CEP192: variants seen among roughly 807,000 people sequenced by gnomAD.
CEP192 encodes centrosomal protein of 192 kDa.
A neutral mutation model predicts 271.8 loss-of-function variants in CEP192; 151 were observed. That is an observed-to-expected ratio of 0.56 (90% CI 0.49 to 0.64). CEP192 has a LOEUF of 0.64. Ranked by LOEUF, CEP192 falls within the 30% of genes least tolerant of loss-of-function variation. The probability of loss-of-function intolerance (pLI) is 0.00; values close to 1 mark genes in which losing one functional copy is unlikely to be tolerated. For missense variants in CEP192, 2,910 were observed against 3,020.5 expected, an observed-to-expected ratio of 0.96 and a Z score of 0.86; for synonymous variants, 995 against 1,076.5, an observed-to-expected ratio of 0.92 and a Z score of 1.48.
intron 21 of CEP192, among the ~76,000 whole-genome samples, chr18:13,066,624 A>G (rs1435189251): frequency 1.3e-5 from 2 of 152,094 alleles, no homozygotes; most frequent in African/African-American, 4.8e-5. Context: ...GCCTAGGCGT[A>G]GGCTTTCATG....
Position 13,049,769 on chromosome 18 carries a change from GA to G in CEP192, c.2900del (p.Asn967IlefsTer25). On this transcript the variant is annotated frameshift_variant, in exon 17 of 45. Coordinates refer to ENST00000506447, the MANE Select transcript of CEP192 (RefSeq NM_032142.4). LOFTEE classifies it high-confidence loss of function. Reference sequence around the variant, plus strand: ...GAAAATACCCCTTTCTGATAGATTTGAAAAATACCTCTCCTGAGCATGGTGG... The same window carrying G: ...GAAAATACCCCTTTCTGATAGATTTGAAAATACCTCTCCTGAGCATGGTGG... ...RIVSPKNSDL[K>X]NTSPEHGGRG... The G allele has an allele frequency of 6.2e-7, 1 of 1,609,674 alleles. No homozygotes were observed. Among genetic ancestry groups the G allele is most frequent in the Non-Finnish European group, 8.5e-7 (1 of 1,178,672 alleles).
At chr18:13,096,079 A>C in intron 35 of CEP192, 105 bp from the exon 36 acceptor site, 1 of 1,148,506 alleles carries the variant, frequency 8.7e-7, no homozygotes, top group South Asian at 1.5e-5. Flanking sequence ...AGAAAGCAGT[A>C]GCATACTTGT....
At chr18:12,996,710 G>A (rs1424090844) in intron 1 of CEP192, among the ~76,000 whole-genome samples, 1 of 152,174 alleles carries the variant, frequency 6.6e-6, no homozygotes, top group African/African-American at 2.4e-5. Flanking sequence ...GAACCAGACA[G>A]CTGTGTCTGA....
At chr18:13,116,758 C>T (rs1193887544) in intron 43 of CEP192, among the ~76,000 whole-genome samples, 8 of 152,008 alleles carry the variant, frequency 5.3e-5, no homozygotes, top group East Asian at 1.9e-4. Context: ...TACAGGTGCC[C>T]GCCACCACGC....
chr18:13,117,025 C>T (rs1598649310), intron 43 of CEP192, among the ~76,000 whole-genome samples: 1 of 149,712 alleles, frequency 6.7e-6, no homozygotes, highest in East Asian at 2.0e-4. Flanking sequence ...AGTTTGAGAC[C>T]AACCTGGGCA....
intron 30 of CEP192, among the ~76,000 whole-genome samples, chr18:13,076,347 C>T (rs2038278292): frequency 6.6e-6 from 1 of 152,106 alleles, no homozygotes; most frequent in South Asian, 2.1e-4. Context: ...GCCTCAGCCT[C>T]CCGAGTAGCT....
intron 35 of CEP192, 154 bp downstream of exon 35, chr18:13,095,835 A>C (rs2039371792): frequency 1.4e-6 from 1 of 691,660 alleles, no homozygotes; most frequent in African/African-American, 1.8e-5. Flanking sequence ...GACCCCACTC[A>C]GACTTGCCTA....
chr18:12,997,078 C>T (rs2033295666), intron 1 of CEP192, among the ~76,000 whole-genome samples: 1 of 151,998 alleles, frequency 6.6e-6, no homozygotes, highest in Non-Finnish European at 1.5e-5. Flanking sequence ...AGGGCTTGCA[C>T]AGACAGAAGA....
At chr18:13,052,795 G>GTGTAA in intron 17 of CEP192, 124 bp from the exon 18 acceptor site, 1 of 627,570 alleles carries the variant, frequency 1.6e-6, no homozygotes, top group Non-Finnish European at 2.7e-6. Flanking sequence ...AGATAATTAA[G>GTGTAA]TGTAAACATT....
intron 2 of CEP192, among the ~76,000 whole-genome samples, chr18:12,999,828 A>ATTTTTT (rs36207281): frequency 1.2e-4 from 15 of 124,040 alleles, no homozygotes; most frequent in African/African-American, 4.2e-4. Context: ...ATTTCGGTCT[A>ATTTTTT]TTTTTTTTTT....
At position 13,068,192 on chromosome 18, in the gene CEP192, C is replaced by A. The variant is rs143595675; in HGVS notation, c.4713C>A (p.Gly1571=). ...PCADVVTRLA[G]PSVVNHMMPA... ...CTGATGTGGTCACTCGGCTAGCAGG[C>A]CCTTCTGTGGTCAACCACATGATGC... Residue 1571 remains glycine (G), a synonymous_variant, in exon 23 of 45, where the codon GGC becomes GGA. Coordinates refer to ENST00000506447, the MANE Select transcript of CEP192 (RefSeq NM_032142.4). The A allele has an allele frequency of 6.1e-4, 984 of 1,614,216 alleles. 5 individuals are homozygous for A. The African/African-American group carries it at 0.011, about 19-fold the overall frequency.
At chr18:12,998,312 C>T (rs1026612174) in intron 1 of CEP192, among the ~76,000 whole-genome samples, 18 of 152,168 alleles carry the variant, frequency 1.2e-4, no homozygotes, top group South Asian at 4.1e-4. Flanking sequence ...ATTCTAGCTT[C>T]GTTTACTGTG....
At chr18:13,097,852 G>A (rs1346238773) in intron 36 of CEP192, among the ~76,000 whole-genome samples, 1 of 151,892 alleles carries the variant, frequency 6.6e-6, no homozygotes, top group Non-Finnish European at 1.5e-5. Context: ...GACTCTTAAC[G>A]AACATGCTGC....
chr18:13,113,708 G>GAGTA lies in CEP192; in HGVS notation c.7167+4_7167+7dup. 6.2e-7 allele frequency: 1 copy of GAGTA among 1,601,476 alleles called. No homozygotes were observed. Among genetic ancestry groups the GAGTA allele is most frequent in the Non-Finnish European group, 8.5e-7 (1 of 1,176,028 alleles). On this transcript the variant is annotated splice_donor_region_variant and intron_variant, in intron 41 of 44. Coordinates refer to ENST00000506447, the MANE Select transcript of CEP192 (RefSeq NM_032142.4). ...TGAGATTCCAACTCTCTGGACAAGTGAGTAGTACACTGAATTTAAGTAAAT... is the reference window on the plus strand; with the variant it reads ...TGAGATTCCAACTCTCTGGACAAGTGAGTAAGTAGTACACTGAATTTAAGTAAAT...
intron 30 of CEP192, among the ~76,000 whole-genome samples, chr18:13,082,873 A>C (rs2038696579): frequency 6.6e-6 from 1 of 152,086 alleles, no homozygotes; most frequent in Non-Finnish European, 1.5e-5. Context: ...TTTCTCCTTC[A>C]CTTATGAAGC....
Position 13,089,524 on chromosome 18 carries a change from A to G in CEP192, c.6062A>G (p.Asn2021Ser). Residue 2021 changes from asparagine (N) to serine (S), a missense_variant, in exon 33 of 45, where the codon AAT becomes AGT. Coordinates refer to ENST00000506447, the MANE Select transcript of CEP192 (RefSeq NM_032142.4). ...GAACATAGTGTGCTTCAAAACATTAATTTTGTTGAAGCATTTCAAGATGAG... is the reference window on the plus strand; with the variant it reads ...GAACATAGTGTGCTTCAAAACATTAGTTTTGTTGAAGCATTTCAAGATGAG... Reference protein sequence around the residue: ...LPEHSVLQNINFVEAFQDELL... With the variant: ...LPEHSVLQNISFVEAFQDELL... 6.2e-7 allele frequency: 1 copy of G among 1,603,828 alleles called. No homozygotes were observed. The highest frequency in any genetic ancestry group is 8.5e-7 in the Non-Finnish European group (1 of 1,173,214).
At chr18:13,082,306 A>G (rs2038654997) in intron 30 of CEP192, among the ~76,000 whole-genome samples, 1 of 151,954 alleles carries the variant, frequency 6.6e-6, no homozygotes, top group Admixed American at 6.6e-5. Context: ...AGGTGCATAT[A>G]TATTTAGGAT....
At chr18:13,036,795 C>T (rs746322155) in intron 11 of CEP192, among the ~76,000 whole-genome samples, 2 of 152,172 alleles carry the variant, frequency 1.3e-5, no homozygotes, top group South Asian at 4.1e-4. Context: ...AGTCTTTGTC[C>T]GGACCGGGGT....
intron 15 of CEP192, among the ~76,000 whole-genome samples, chr18:13,048,264 G>A (rs1430023611): frequency 1.3e-5 from 2 of 152,152 alleles, no homozygotes; most frequent in African/African-American, 4.8e-5. Context: ...CTCCATCCTG[G>A]TAGGATGTGA....
Sources: allele counts gnomAD v4.1 joint callset (sites outside exome capture counted in the v4.1 genomes callset), GRCh38; gene constraint gnomAD v4.1.1; transcripts MANE v1.5; gene names NCBI Gene and HGNC (gene_info 2026-07-23, HGNC 2026-07-21).